EXOC4: variants seen among roughly 807,000 people sequenced by gnomAD.
EXOC4 encodes exocyst complex component 4.
EXOC4 carries 71 observed loss-of-function variants against 107.2 expected under a neutral mutation model. That is an observed-to-expected ratio of 0.66 (90% confidence interval 0.55 to 0.81). The LOEUF is 0.81. EXOC4 is among the 30% of genes least tolerant of loss of function. The pLI, the probability that EXOC4 is intolerant of heterozygous loss-of-function variation, is 0.00. For missense variants in EXOC4, 1,108 were observed against 1,189.6 expected (o/e 0.93, Z 1.01); for synonymous variants, 456 against 441.2 (o/e 1.03, Z -0.42).
chr7:133,643,197 G>C (rs11762935), intron 10 of EXOC4, among the ~76,000 whole-genome samples: 2 of 151,928 alleles, frequency 1.3e-5, no homozygotes, highest in African/African-American at 4.8e-5. Context: ...ACAATAGCCT[G>C]CAGGCTGGGG....
intron 9 of EXOC4, among the ~76,000 whole-genome samples, chr7:133,540,625 G>A (rs1325287411): frequency 6.6e-6 from 1 of 152,146 alleles, no homozygotes; most frequent in East Asian, 1.9e-4. Flanking sequence ...ATATATGTAT[G>A]TGTGTGTGTC....
chr7:133,561,561 C>T (rs1329109634), intron 9 of EXOC4, among the ~76,000 whole-genome samples: 1 of 152,174 alleles, frequency 6.6e-6, no homozygotes, highest in Non-Finnish European at 1.5e-5. Flanking sequence ...TTGCCTTGGG[C>T]ATTCCTCACT....
intron 5 of EXOC4, among the ~76,000 whole-genome samples, chr7:133,346,877 C>T (rs892317919): frequency 1.3e-5 from 2 of 152,024 alleles, no homozygotes; most frequent in African/African-American, 4.8e-5. Flanking sequence ...TACTATTGTC[C>T]TATATCTTAG....
At chr7:133,402,767 G>A (rs1358945777) in intron 7 of EXOC4, among the ~76,000 whole-genome samples, 3 of 152,176 alleles carry the variant, frequency 2.0e-5, no homozygotes, top group African/African-American at 7.2e-5. Flanking sequence ...GTCTCCCAAA[G>A]TGCTGGGATT....
intron 11 of EXOC4, among the ~76,000 whole-genome samples, chr7:133,821,483 A>C (rs890333028): frequency 4.6e-5 from 7 of 151,996 alleles, no homozygotes; most frequent in Admixed American, 4.6e-4. Context: ...CATTTAGACA[A>C]TTTTTTTTAG....
chr7:133,466,246 A>G (rs1307021420), intron 7 of EXOC4, among the ~76,000 whole-genome samples: 1 of 152,190 alleles, frequency 6.6e-6, no homozygotes, highest in African/African-American at 2.4e-5. Flanking sequence ...TAGGAAAAAA[A>G]AGTGGAACCA....
At chr7:133,765,987 A>G (rs1424603117) in intron 10 of EXOC4, among the ~76,000 whole-genome samples, 1 of 152,022 alleles carries the variant, frequency 6.6e-6, no homozygotes, top group African/African-American at 2.4e-5. Context: ...CCATAAAACG[A>G]AAGTGAGGAT....
chr7:133,654,546 C>T (rs1249617400), intron 10 of EXOC4, among the ~76,000 whole-genome samples: 1 of 152,082 alleles, frequency 6.6e-6, no homozygotes, highest in Admixed American at 6.6e-5. Flanking sequence ...TCTGAGGGGC[C>T]TTAGCATTTG....
At chr7:133,566,102 C>G (rs1012338699) in intron 9 of EXOC4, among the ~76,000 whole-genome samples, 1 of 152,076 alleles carries the variant, frequency 6.6e-6, no homozygotes, top group African/African-American at 2.4e-5. Context: ...GTGTATTGGC[C>G]TATATGAAAA....
intron 10 of EXOC4, among the ~76,000 whole-genome samples, chr7:133,650,391 C>A (rs11975290): frequency 0.43 from 65,143 of 151,840 alleles, 14,849 homozygotes; most frequent in Admixed American, 0.57. Context: ...AATTGATCCT[C>A]CACTGCTAGC....
In EXOC4 at chr7:133,856,836, C is replaced by T. The variant is rs549884018; in HGVS notation, c.1735-38763C>T. ...AAAAAATATTACCTCCACTAAAGGC[C>T]GGGTGTGTTAGCTCAGCACTTTGGG... On this transcript the variant is annotated intron_variant, in intron 11 of 17. Coordinates refer to ENST00000253861, the MANE Select transcript of EXOC4 (RefSeq NM_021807.4). 1.5e-4 allele frequency among the ~76,000 whole-genome samples: 23 copies of T among 151,720 alleles called. 1 individual carries two copies. Among genetic ancestry groups the T allele is most frequent in the Non-Finnish European group, 2.6e-4 (18 of 67,952 alleles).
intron 7 of EXOC4, among the ~76,000 whole-genome samples, chr7:133,471,504 G>A (rs965889890): frequency 6.6e-6 from 1 of 151,894 alleles, no homozygotes; most frequent in Admixed American, 6.6e-5. Context: ...GTGATGAATG[G>A]TATTAGACAA....
chr7:133,623,906 C>A (rs1321251619), intron 9 of EXOC4, among the ~76,000 whole-genome samples: 1 of 152,116 alleles, frequency 6.6e-6, no homozygotes, highest in South Asian at 2.1e-4. Flanking sequence ...TAAGCACTTA[C>A]TAAGGAATGT....
intron 7 of EXOC4, among the ~76,000 whole-genome samples, chr7:133,452,356 A>G (rs1215944486): frequency 3.3e-5 from 5 of 152,012 alleles, no homozygotes; most frequent in Non-Finnish European, 7.4e-5. Context: ...TGATTTTTGG[A>G]TATGTGAAAA....
At chr7:133,950,337 A>G (rs1396699514) in intron 14 of EXOC4, among the ~76,000 whole-genome samples, 1 of 152,194 alleles carries the variant, frequency 6.6e-6, no homozygotes, top group Non-Finnish European at 1.5e-5. Flanking sequence ...TCATTATTGA[A>G]ATTTTTAACT....
At chr7:134,001,039 G>A (rs1794520309) in intron 15 of EXOC4, among the ~76,000 whole-genome samples, 1 of 152,088 alleles carries the variant, frequency 6.6e-6, no homozygotes, top group South Asian at 2.1e-4. Context: ...TTTTACCTGT[G>A]TCATTGTAGG....
At chr7:134,066,820 G>C (rs1173635097), downstream of EXOC4, among the ~76,000 whole-genome samples, 2 of 152,132 alleles carry the variant, frequency 1.3e-5, no homozygotes, top group Non-Finnish European at 2.9e-5. Flanking sequence ...TAATGTTCTT[G>C]TGTGAAGACC....
chr7:133,879,198 G>A (rs1170303056), intron 11 of EXOC4, among the ~76,000 whole-genome samples: 4 of 152,164 alleles, frequency 2.6e-5, no homozygotes, highest in African/African-American at 4.8e-5. Context: ...GGACTCAAGC[G>A]ATTCTCCCAC....
chr7:133,271,900 T>C (rs1793879675), intron 1 of EXOC4, among the ~76,000 whole-genome samples: 4 of 152,086 alleles, frequency 2.6e-5, no homozygotes. Context: ...AGGAATAAGG[T>C]GACAATCAGA....
Sources: allele counts gnomAD v4.1 joint callset (sites outside exome capture counted in the v4.1 genomes callset), GRCh38; gene constraint gnomAD v4.1.1; transcripts MANE v1.5; gene names NCBI Gene and HGNC (gene_info 2026-07-23, HGNC 2026-07-21).